The following PCDHGA5 variants were observed in gnomAD, a reference collection of about 807,000 sequenced individuals.
The protein encoded by PCDHGA5 is protocadherin gamma subfamily A, 5, also known as protocadherin gamma-A5.
In PCDHGA5, 36 loss-of-function variants were observed where a neutral mutation model predicts 56.7. That is an observed-to-expected ratio of 0.64 (90% CI 0.49 to 0.84). The LOEUF is 0.84. Ranked by LOEUF, PCDHGA5 falls within the 40% of genes least tolerant of loss-of-function variation. PCDHGA5 has a pLI of 0.00. For synonymous variants in PCDHGA5, 563 were observed against 520.2 expected, an observed-to-expected ratio of 1.08 and a Z score of -1.12; for missense variants, 1,305 against 1,201.5, an observed-to-expected ratio of 1.09 and a Z score of -1.27.
chr5:141,366,550 T>G lies in PCDHGA5; in HGVS notation c.2220T>G (p.Phe740Leu). 2 of 1,614,254 alleles carry G rather than the reference T, an allele frequency of 1.2e-6. No homozygotes were observed. The highest frequency in any genetic ancestry group is 8.5e-7 in the Non-Finnish European group (1 of 1,180,046). ...TGGCGGGTGTGCCCGCCTCGCACTT[T>G]GTGGGCGTGGATGGGGTTCGGGCTT... is the stretch of plus-strand genomic sequence containing the variant. ...SRLAGVPASHFVGVDGVRAFL... is the reference protein window; with the variant it reads ...SRLAGVPASHLVGVDGVRAFL... Residue 740 changes from phenylalanine (F) to leucine (L), a missense_variant, in exon 1 of 4, where the codon TTT (phenylalanine) becomes TTG (leucine). Physicochemically the swap from Phe to Leu is conservative, Grantham distance 22. Transcript: ENST00000518069.
At position 141,489,219 on chromosome 5, in the gene PCDHGA5, T is replaced by C; in HGVS notation, c.2422-5588T>C. 1 of 1,502,828 alleles carries C rather than the reference T, an allele frequency of 6.7e-7. No homozygotes were observed. Among genetic ancestry groups the C allele is most frequent in the Non-Finnish European group, 8.9e-7 (1 of 1,117,962 alleles). 93.1% of individuals were successfully genotyped at this position (1,502,828 alleles called of 1,614,324 possible). On this transcript the variant is annotated intron_variant, in intron 1 of 3. Transcript: ENST00000518069. This position sits in a 1 kb window ranked among gnomAD's most constrained non-coding sequence, Gnocchi z 4.5. ...GAGACAGGACAGCACAGACTTACTC[T>C]CCACAAAGGGACTTCTGGGTCATGG...
chr5:141,487,802 C>G lies in PCDHGA5; in HGVS notation c.2422-7005C>G. On this transcript the variant is annotated intron_variant, in intron 1 of 3. Transcript: ENST00000518069. The surrounding 1 kb of genome is among the most constrained non-coding windows in gnomAD (Gnocchi z 5.0). ...TTTCGTGAATTAACCAGAGTTGTCACAGTTTAGCATTGGGGGCGGGTCATG... is the reference window on the plus strand; with the variant it reads ...TTTCGTGAATTAACCAGAGTTGTCAGAGTTTAGCATTGGGGGCGGGTCATG... 6.8e-7 allele frequency: 1 copy of G among 1,477,424 alleles called. No homozygotes were observed. The allele number at this position is 1,477,424 out of a possible 1,614,324, so 91.5% of individuals were successfully genotyped here.
intron 1 of PCDHGA5, among the ~76,000 whole-genome samples, chr5:141,474,970 A>C (rs1309289477): frequency 6.6e-6 from 1 of 152,212 alleles, no homozygotes; most frequent in Admixed American, 6.5e-5. Context: ...TAATCATTAT[A>C]ATTTTGTTTG....
Position 141,431,151 on chromosome 5 carries a change from C to T in PCDHGA5, c.2422-63656C>T, listed in dbSNP as rs764416448. The T allele has an allele frequency of 6.2e-7, 1 of 1,614,126 alleles. No individual in the cohort carries two copies. Among genetic ancestry groups the T allele is most frequent in the African/African-American group, 1.3e-5 (1 of 74,954 alleles). On this transcript the variant is annotated intron_variant, in intron 1 of 3. Coordinates refer to ENST00000518069, the MANE Select transcript of PCDHGA5 (RefSeq NM_018918.3). The surrounding 1 kb of genome is among the most constrained non-coding windows in gnomAD (Gnocchi z 4.8). ...GTAAGGGACATTAACGACAATGCGC[C>T]TTACTTTCGTGAAAGTGAATTAGAA...
At chr5:141,418,836 C>T (rs2096292464) in intron 1 of PCDHGA5, 1 of 1,613,984 alleles carries the variant, frequency 6.2e-7, no homozygotes, top group Non-Finnish European at 8.5e-7. Flanking sequence ...GACCGAGGAT[C>T]TCTCTCAACA....
chr5:141,414,550 G>A (rs773044624), intron 1 of PCDHGA5: 1 of 1,613,948 alleles, frequency 6.2e-7, no homozygotes, highest in East Asian at 2.2e-5. Flanking sequence ...CTTCTCTCAA[G>A]TCTCCTACTT....
chr5:141,383,453 G>C lies in PCDHGA5; in HGVS notation c.2421+16702G>C, dbSNP rs116033027. 4.2e-4 allele frequency: 670 copies of C among 1,613,934 alleles called. 4 individuals are homozygous for C. The African/African-American group carries it at 7.6e-3, about 18-fold the overall frequency. The stretch of plus-strand genomic sequence containing the variant: ...CACTTCTCCCTGGCTGTGCAAAGTG[G>C]AGACGATGAAACTAAGTACCCGGAA... On this transcript the variant is annotated intron_variant, in intron 1 of 3. Coordinates refer to ENST00000518069, the MANE Select transcript of PCDHGA5 (RefSeq NM_018918.3).
chr5:141,401,235 A>G (rs1444346000), intron 1 of PCDHGA5, among the ~76,000 whole-genome samples: 1 of 152,120 alleles, frequency 6.6e-6, no homozygotes, highest in East Asian at 1.9e-4. Context: ...CCAGCTACTC[A>G]GGAGGCTAAG....
chr5:141,427,912 A>T (rs1268491054), intron 1 of PCDHGA5: 2 of 1,577,806 alleles, frequency 1.3e-6, no homozygotes, highest in Admixed American at 3.3e-5. Flanking sequence ...CTCAGCGCCA[A>T]CATGAGCCGG....
At chr5:141,383,719 A>G in intron 1 of PCDHGA5, 1 of 1,613,984 alleles carries the variant, frequency 6.2e-7, no homozygotes, top group Non-Finnish European at 8.5e-7. Flanking sequence ...CGAGGGAGTC[A>G]ATGGGGAAGT....
rs542248328 is a variant in PCDHGA5, at chr5:141,432,682, C to T, written c.2422-62125C>T. ...TGGACAGAGACGCGCTCAAGCAGAG[C>T]CTCGTAGTGGCCGTCCAGGACCACG... On this transcript the variant is annotated intron_variant, in intron 1 of 3. Coordinates refer to ENST00000518069, the MANE Select transcript of PCDHGA5 (RefSeq NM_018918.3). This position sits in a 1 kb window ranked among gnomAD's most constrained non-coding sequence, Gnocchi z 6.0. The T allele has an allele frequency of 6.5e-5, 105 of 1,613,976 alleles. No homozygotes were observed. In the African/African-American group the frequency reaches 1.1e-3, roughly 17 times the overall value.
intron 1 of PCDHGA5, among the ~76,000 whole-genome samples, chr5:141,436,604 G>A (rs2097836057): frequency 6.6e-6 from 1 of 152,146 alleles, no homozygotes; most frequent in Admixed American, 6.5e-5. Context: ...GTGATGGCTA[G>A]GGCTAACAAA....
intron 1 of PCDHGA5, chr5:141,409,339 T>G: frequency 6.2e-7 from 1 of 1,613,954 alleles, no homozygotes; most frequent in South Asian, 1.1e-5. Context: ...TCGGAGGAAA[T>G]GGAGAAGTCA....
rs1383090266 is a variant in PCDHGA5, at chr5:141,388,828, T to C, written c.2421+22077T>C. 6.2e-7 allele frequency: 1 copy of C among 1,613,894 alleles called. No homozygotes were observed. Among genetic ancestry groups the C allele is most frequent in the South Asian group, 1.1e-5 (1 of 91,070 alleles). ...TTTGAAGAAGTCAAAGAATATTCCA[T>C]AGTTTTGGAAGCAAGGGACGGTGGA... On this transcript the variant is annotated intron_variant, in intron 1 of 3. Coordinates refer to ENST00000518069, the MANE Select transcript of PCDHGA5 (RefSeq NM_018918.3).
chr5:141,439,487 G>A lies in PCDHGA5; in HGVS notation c.2422-55320G>A, dbSNP rs11952418. 8.3e-3 allele frequency among the ~76,000 whole-genome samples: 1,269 copies of A among 152,266 alleles called. 16 individuals are homozygous for A. Among genetic ancestry groups the A allele is most frequent in the African/African-American group, 0.029 (1,205 of 41,540 alleles). Reference sequence around the variant, plus strand: ...GCTGCCTTTCAGCTTGCAAATTCCAGTGAGAAACGTCTTTCTCTCTGCTCT... The same window carrying A: ...GCTGCCTTTCAGCTTGCAAATTCCAATGAGAAACGTCTTTCTCTCTGCTCT... On this transcript the variant is annotated intron_variant, in intron 1 of 3. Coordinates refer to ENST00000518069, the MANE Select transcript of PCDHGA5 (RefSeq NM_018918.3).
chr5:141,395,448 T>C, intron 1 of PCDHGA5: 1 of 647,116 alleles, frequency 1.5e-6, no homozygotes, highest in Non-Finnish European at 2.5e-6. Flanking sequence ...GAAAAGATTG[T>C]TCAACCATTT....
chr5:141,395,961 G>C (rs1016569431), intron 1 of PCDHGA5: 1 of 151,956 alleles, frequency 6.6e-6, no homozygotes, highest in Non-Finnish European at 1.5e-5. Flanking sequence ...AAAAACAAAA[G>C]CAAAAACATT....
rs899975548 is a variant in PCDHGA5, at chr5:141,364,262, C to A, written c.-69C>A. ...TTTTCGTCAGGGAATATGTACCCAT[C>A]GGCTTTAGATAAATAAGGAAACAGC... On this transcript the variant is annotated 5_prime_UTR_variant, in exon 1 of 4. The change creates a premature stop within an existing upstream ORF in the 5' untranslated region. Coordinates refer to ENST00000518069, the MANE Select transcript of PCDHGA5 (RefSeq NM_018918.3). 3 of 1,504,192 alleles carry A rather than the reference C, an allele frequency of 2.0e-6. No individual in the cohort carries two copies. Among genetic ancestry groups the A allele is most frequent in the Non-Finnish European group, 2.7e-6 (3 of 1,126,808 alleles). The allele number at this position is 1,504,192 out of a possible 1,614,324, so 93.2% of individuals were successfully genotyped here. A position where few individuals can be genotyped will look rare whatever the true frequency, so the allele number is the denominator to read the frequency against.
chr5:141,444,364 T>C (rs1191889941), intron 1 of PCDHGA5, among the ~76,000 whole-genome samples: 2 of 151,718 alleles, frequency 1.3e-5, no homozygotes, highest in Admixed American at 1.3e-4. Context: ...AGAGACGGGG[T>C]TTCTCCATGT....
Sources: gnomAD v4.1 joint callset for allele counts (sites outside exome capture counted in the v4.1 genomes callset) on GRCh38, gnomAD v4.1.1 for gene constraint, Gnocchi (gnomAD v3.1) non-coding constraint, MANE v1.5 for transcripts, NCBI Gene and HGNC (gene_info 2026-07-23, HGNC 2026-07-21) for gene names.